MYO1D: variants seen among roughly 807,000 people sequenced by gnomAD.
The protein encoded by MYO1D is myosin ID.
MYO1D carries 83 observed loss-of-function variants against 122.0 expected under a neutral mutation model. The observed-to-expected ratio is 0.68, with a 90% CI of 0.57 to 0.82. The LOEUF is 0.82. Among genes scored for constraint, MYO1D ranks in the 40% least tolerant of loss-of-function variants. The pLI is 0.00. For synonymous variants in MYO1D, 464 were observed against 446.9 expected (o/e 1.04, Z -0.48); for missense variants, 1,157 against 1,269.5 (o/e 0.91, Z 1.35).
intron 1 of MYO1D, among the ~76,000 whole-genome samples, chr17:32,851,237 A>G (rs1360473316): frequency 6.6e-6 from 1 of 152,152 alleles, no homozygotes; most frequent in Non-Finnish European, 1.5e-5. Flanking sequence ...ATAAAATCCA[A>G]TAGACAGAAA....
chr17:32,675,259 T>G (rs1293058804), intron 16 of MYO1D, among the ~76,000 whole-genome samples: 2 of 152,228 alleles, frequency 1.3e-5, no homozygotes, highest in Non-Finnish European at 2.9e-5. Flanking sequence ...TAAATGTCAC[T>G]GTTATAGAGA....
intron 21 of MYO1D, chr17:32,523,380 G>A (rs12949671): frequency 0.28 from 42,000 of 152,102 alleles, 6,802 homozygotes; most frequent in Non-Finnish European, 0.37. Flanking sequence ...ACTTAGGGGT[G>A]GAAGTGAAAC....
chr17:32,610,408 A>C (rs2087685711), intron 20 of MYO1D, among the ~76,000 whole-genome samples: 1 of 152,230 alleles, frequency 6.6e-6, no homozygotes, highest in African/African-American at 2.4e-5. Flanking sequence ...ATAATGAAAG[A>C]TTAAGTCCCT....
chr17:32,747,586 T>G (rs1181724762), intron 12 of MYO1D, among the ~76,000 whole-genome samples: 1 of 152,014 alleles, frequency 6.6e-6, no homozygotes, highest in African/African-American at 2.4e-5. Flanking sequence ...ACTGTAATCC[T>G]AGCACTTTGG....
In MYO1D at chr17:32,741,237, A is replaced by G. The variant is rs185823762; in HGVS notation, c.1614-2852T>C. Among the ~76,000 whole-genome samples, 356 of 151,926 alleles carry G rather than the reference A, an allele frequency of 2.3e-3. 5 individuals are homozygous for G. Among genetic ancestry groups the G allele is most frequent in the African/African-American group, 7.2e-3 (300 of 41,476 alleles). ...GGATACCACTTCTAAAAAAAAAAAAAAAAAGAAAAGAAAAATCATTATATT... is the reference window on the plus strand; with the variant it reads ...GGATACCACTTCTAAAAAAAAAAAAGAAAAGAAAAGAAAAATCATTATATT... On this transcript the variant is annotated intron_variant, in intron 13 of 21. Coordinates refer to ENST00000318217, the MANE Select transcript of MYO1D (RefSeq NM_015194.3).
chr17:32,811,616 CT>C (rs755189217), intron 1 of MYO1D, among the ~76,000 whole-genome samples: 649 of 57,450 alleles, frequency 0.011, 4 homozygotes, highest in East Asian at 0.087. Flanking sequence ...CCCTCACCCT[CT>C]TTTTTTTTTT....
intron 21 of MYO1D, among the ~76,000 whole-genome samples, chr17:32,512,549 CTGGCTTTGCG>C (rs746334032): frequency 6.6e-6 from 1 of 151,182 alleles, no homozygotes. Flanking sequence ...AGGCTGTGTC[CTGGCTTTGCG>C]TGGCTTTGCT....
intron 21 of MYO1D, among the ~76,000 whole-genome samples, chr17:32,590,933 G>A (rs889343302): frequency 2.0e-5 from 3 of 152,262 alleles, no homozygotes; most frequent in Non-Finnish European, 4.4e-5. Flanking sequence ...AGCTACCTGC[G>A]GAAATGATGA....
chr17:32,544,804 T>C (rs9897268), intron 21 of MYO1D, among the ~76,000 whole-genome samples: 10,301 of 152,200 alleles, frequency 0.068, 982 homozygotes, highest in African/African-American at 0.21. Context: ...CATACACATA[T>C]ACACACACAC....
intron 1 of MYO1D, among the ~76,000 whole-genome samples, chr17:32,857,099 G>A (rs2091033211): frequency 6.6e-6 from 1 of 152,138 alleles, no homozygotes; most frequent in Admixed American, 6.5e-5. Context: ...GTAAACACGT[G>A]TTTCATACCT....
intron 1 of MYO1D, among the ~76,000 whole-genome samples, chr17:32,791,278 C>T (rs1421309774): frequency 2.7e-5 from 4 of 149,432 alleles, no homozygotes; most frequent in South Asian, 2.1e-4. Context: ...GCAGGAGAAT[C>T]GCTTGAACCG....
chr17:32,755,845 T>C (rs10853153), intron 10 of MYO1D, 183 bp from the exon 11 acceptor site: 230,606 of 499,824 alleles, frequency 0.46, 55,545 homozygotes, highest in East Asian at 0.7. Context: ...TTTTTAAATT[T>C]CTTTGTTAAC....
At chr17:32,720,991 G>A in intron 15 of MYO1D, 32 bp downstream of exon 15, 1 of 1,600,666 alleles carries the variant, frequency 6.2e-7, no homozygotes, top group Non-Finnish European at 8.5e-7. Context: ...TATTCTCAGT[G>A]AACTAGGCCT....
chr17:32,853,858 C>T (rs148313758), intron 1 of MYO1D, among the ~76,000 whole-genome samples: 9 of 152,296 alleles, frequency 5.9e-5, no homozygotes, highest in African/African-American at 1.9e-4. Flanking sequence ...TTGAAACAAA[C>T]AGTAAATTCA....
intron 16 of MYO1D, 44 bp downstream of exon 16, chr17:32,711,944 C>G (rs771407029): frequency 1.3e-6 from 2 of 1,493,824 alleles, no homozygotes; most frequent in Admixed American, 4.0e-5. Context: ...TTTTTAAGAA[C>G]TTAAAAGCAA....
chr17:32,781,586 A>G (rs1017809949), intron 1 of MYO1D, among the ~76,000 whole-genome samples: 2 of 152,194 alleles, frequency 1.3e-5, no homozygotes, highest in South Asian at 2.1e-4. Flanking sequence ...GTACACAGAT[A>G]TATTTTATAA....
intron 20 of MYO1D, among the ~76,000 whole-genome samples, chr17:32,614,036 T>A (rs2087739596): frequency 6.6e-6 from 1 of 151,538 alleles, no homozygotes; most frequent in Admixed American, 6.6e-5. Flanking sequence ...TACTCAAATG[T>A]ATTTATTGCT....
intron 16 of MYO1D, among the ~76,000 whole-genome samples, chr17:32,678,528 G>A (rs1358529942): frequency 1.0e-4 from 15 of 150,496 alleles, no homozygotes; most frequent in South Asian, 2.1e-4. Flanking sequence ...TTGTTCTTGC[G>A]ATAGTTTACT....
intron 21 of MYO1D, among the ~76,000 whole-genome samples, chr17:32,556,005 CA>C (rs1204699452): frequency 6.6e-6 from 1 of 151,944 alleles, no homozygotes; most frequent in African/African-American, 2.4e-5. Flanking sequence ...TCCTCCTTAG[CA>C]CTTATCATAT....
Sources: gnomAD v4.1 joint callset for allele counts (sites outside exome capture counted in the v4.1 genomes callset) on GRCh38, gnomAD v4.1.1 for gene constraint, MANE v1.5 for transcripts, NCBI Gene and HGNC (gene_info 2026-07-23, HGNC 2026-07-21) for gene names.